The following LIPH variants were observed in gnomAD, a reference collection of about 807,000 sequenced individuals.
The protein encoded by LIPH is lipase member H.
In LIPH, 32 loss-of-function variants were observed where a neutral mutation model predicts 47.6. That is an observed-to-expected ratio of 0.67 (90% confidence interval 0.51 to 0.90). The LOEUF (loss-of-function observed/expected upper bound fraction) is 0.90, where lower values mean the gene tolerates loss of function less well. LIPH is among the 40% of genes least tolerant of loss of function. The pLI is 0.00. For missense variants in LIPH, 497 were observed against 541.4 expected, an observed-to-expected ratio of 0.92 and a Z score of 0.81; for synonymous variants, 190 against 195.6, an observed-to-expected ratio of 0.97 and a Z score of 0.24.
chr3:185,524,128 C>A lies in LIPH; in HGVS notation c.661G>T (p.Asp221Tyr). The change falls in exon 5 of 10, where the codon GAC becomes TAC. Residue 221 changes from aspartate to tyrosine, a missense_variant. Asp to Tyr is a radical substitution (Grantham distance 160). Coordinates refer to ENST00000296252, the MANE Select transcript of LIPH (RefSeq NM_139248.3). ...LGYKEPLGNI[D>Y]FYPNGGLDQP... ...TCCAATCCTCCATTTGGGTAGAAGTCTATGTTTCCTAATGGCTCCTTGTAG... is the reference window on the plus strand; with the variant it reads ...TCCAATCCTCCATTTGGGTAGAAGTATATGTTTCCTAATGGCTCCTTGTAG... The A allele has an allele frequency of 6.2e-7, 1 of 1,613,426 alleles. No homozygotes were observed. The highest frequency in any genetic ancestry group is 8.5e-7 in the Non-Finnish European group (1 of 1,179,362).
chr3:185,542,597 G>T (rs7652197), intron 1 of LIPH, among the ~76,000 whole-genome samples: 1 of 152,074 alleles, frequency 6.6e-6, no homozygotes, highest in African/African-American at 2.4e-5. Flanking sequence ...GATTACAGGC[G>T]TAAGCCACCA....
intron 1 of LIPH, among the ~76,000 whole-genome samples, chr3:185,545,115 T>C (rs1030889733): frequency 5.9e-5 from 9 of 152,248 alleles, no homozygotes; most frequent in African/African-American, 2.2e-4. Context: ...TTTTAAAGCT[T>C]AACTTCTTCT....
chr3:185,529,956 AAGAAAGAAGGAAAGAAAGAAAG>A (rs1204825167), intron 3 of LIPH, among the ~76,000 whole-genome samples: 1,563 of 58,756 alleles, frequency 0.027, 32 homozygotes, highest in Non-Finnish European at 0.034. Context: ...GAAAGAAAGA[AAGAAAGAAGGAAAGAAAGAAAG>A]AGAGAGAGAG....
At chr3:185,518,333 G>A (rs182338747) in intron 6 of LIPH, among the ~76,000 whole-genome samples, 1 of 152,140 alleles carries the variant, frequency 6.6e-6, no homozygotes, top group East Asian at 1.9e-4. Flanking sequence ...AGGCTGGAGT[G>A]CAATGGCGCG....
chr3:185,519,314 G>A lies in LIPH; in HGVS notation c.719-5C>T, dbSNP rs752047383. On this transcript the variant is annotated splice_polypyrimidine_tract_variant and splice_region_variant and intron_variant, in intron 5 of 9. Coordinates refer to ENST00000296252, the MANE Select transcript of LIPH (RefSeq NM_139248.3). ...CACATTTAAAATACTGAAATCCTTG[G>A]TTGTAAAAGAAGTGATGAAAGAGTA... 6.2e-7 allele frequency: 1 copy of A among 1,607,094 alleles called. No homozygotes were observed. Among genetic ancestry groups the A allele is most frequent in the Non-Finnish European group, 8.5e-7 (1 of 1,174,098 alleles).
intron 5 of LIPH, among the ~76,000 whole-genome samples, chr3:185,521,307 A>T (rs1170023676): frequency 6.6e-6 from 1 of 152,192 alleles, no homozygotes; most frequent in Non-Finnish European, 1.5e-5. Flanking sequence ...GTTCTCCTTT[A>T]GTTCCAGATC....
chr3:185,544,680 T>C (rs1342136890), intron 1 of LIPH, among the ~76,000 whole-genome samples: 3 of 152,184 alleles, frequency 2.0e-5, no homozygotes, highest in Non-Finnish European at 4.4e-5. Context: ...TTTATGTCAC[T>C]TGCATTTTTT....
intron 9 of LIPH, among the ~76,000 whole-genome samples, 154 bp from the exon 10 acceptor site, chr3:185,509,031 T>A (rs1235519115): frequency 6.6e-6 from 1 of 152,138 alleles, no homozygotes; most frequent in Non-Finnish European, 1.5e-5. Context: ...CTCATGCCTG[T>A]AATCCCACCC....
At chr3:185,520,278 T>G (rs1186218478) in intron 5 of LIPH, among the ~76,000 whole-genome samples, 1 of 151,998 alleles carries the variant, frequency 6.6e-6, no homozygotes, top group Non-Finnish European at 1.5e-5. Context: ...CCCAGCACTT[T>G]GGGAGGCTGA....
intron 1 of LIPH, among the ~76,000 whole-genome samples, chr3:185,535,595 G>GT (rs1560168053): frequency 6.6e-6 from 1 of 150,474 alleles, no homozygotes; most frequent in South Asian, 2.1e-4. Context: ...AATCATATTT[G>GT]TTTTTTTGTT....
At chr3:185,516,597 C>T (rs991662439) in intron 7 of LIPH, among the ~76,000 whole-genome samples, 3 of 152,072 alleles carry the variant, frequency 2.0e-5, no homozygotes, top group South Asian at 2.1e-4. Flanking sequence ...CTCAACCTCT[C>T]GAGGCCTTTG....
chr3:185,531,476 A>G (rs1034682157), intron 3 of LIPH, among the ~76,000 whole-genome samples: 4 of 151,248 alleles, frequency 2.6e-5, no homozygotes, highest in African/African-American at 7.3e-5. Flanking sequence ...TGATCACCTG[A>G]GCCCAGGGAG....
In LIPH at chr3:185,506,356, C is replaced by G. The variant is rs1001481104; in HGVS notation, c.*2434G>C. ...CGGTGAACAAACTTCCTTTCTTTATCCATTCATTCACCCATCTACCCATCC... is the reference window on the plus strand; with the variant it reads ...CGGTGAACAAACTTCCTTTCTTTATGCATTCATTCACCCATCTACCCATCC... On this transcript the variant is annotated 3_prime_UTR_variant, in exon 10 of 10. Coordinates refer to ENST00000296252, the MANE Select transcript of LIPH (RefSeq NM_139248.3). The G allele has an allele frequency of 6.6e-6, 1 of 152,264 alleles. No homozygotes were observed. Among genetic ancestry groups the G allele is most frequent in the East Asian group, 1.9e-4 (1 of 5,182 alleles). 9.4% of individuals were successfully genotyped at this position (152,264 alleles called of 1,614,324 possible).
At chr3:185,511,819 CTTTTTT>C in intron 8 of LIPH, 122 bp from the exon 9 acceptor site, 7 of 551,652 alleles carry the variant, frequency 1.3e-5, no homozygotes, top group Non-Finnish European at 2.2e-5. Flanking sequence ...CACCAGCTGA[CTTTTTT>C]TTTTTTTTTT....
chr3:185,538,822 C>CATATATACATATATACACATAT (rs61347479), intron 1 of LIPH, among the ~76,000 whole-genome samples: 13 of 11,914 alleles, frequency 1.1e-3, no homozygotes, highest in Non-Finnish European at 2.0e-3. Context: ...TATATACACA[C>CATATATACATATATACACATAT]ATATACATAT....
At chr3:185,545,923 A>G (rs1248920968) in intron 1 of LIPH, among the ~76,000 whole-genome samples, 1 of 152,022 alleles carries the variant, frequency 6.6e-6, no homozygotes, top group Non-Finnish European at 1.5e-5. Flanking sequence ...TGGGAGGCTG[A>G]CGCAGGCAGA....
At chr3:185,533,514 T>G (rs1171309534) in intron 3 of LIPH, 57 bp downstream of exon 3, 1 of 1,105,812 alleles carries the variant, frequency 9.0e-7, no homozygotes, top group Non-Finnish European at 1.4e-6. Flanking sequence ...TACATAATAC[T>G]CCCCCAGTGA....
At chr3:185,549,350 TC>T (rs1467183953) in intron 1 of LIPH, among the ~76,000 whole-genome samples, 1 of 152,094 alleles carries the variant, frequency 6.6e-6, no homozygotes, top group East Asian at 1.9e-4. Flanking sequence ...ACCCCCTCAT[TC>T]ACCTTTGCCA....
intron 4 of LIPH, among the ~76,000 whole-genome samples, chr3:185,525,948 T>C (rs1720054691): frequency 6.6e-6 from 1 of 152,170 alleles, no homozygotes; most frequent in Non-Finnish European, 1.5e-5. Flanking sequence ...AAATGACCAC[T>C]CTGCTGTTTC....
Sources: allele counts gnomAD v4.1 joint callset (sites outside exome capture counted in the v4.1 genomes callset), GRCh38; gene constraint gnomAD v4.1.1; transcripts MANE v1.5; gene names NCBI Gene and HGNC (gene_info 2026-07-23, HGNC 2026-07-21).